Variants in DACH2 observed in about 807,000 individuals in gnomAD.
The protein encoded by DACH2 is dachshund family transcription factor 2.
A neutral mutation model predicts 35.8 loss-of-function variants in DACH2; 17 were observed. The ratio of observed to expected loss-of-function variants is 0.48; its 90% CI spans 0.33 to 0.71. The LOEUF is 0.71. Among genes scored for constraint, DACH2 ranks in the 30% least tolerant of loss-of-function variants. DACH2 has a pLI of 0.02. For missense variants in DACH2, 469 were observed against 472.7 expected (o/e 0.99, Z 0.07); for synonymous variants, 195 against 177.3 (o/e 1.10, Z -0.79).
chrX:86,563,079 G>A (rs2039245694), intron 3 of DACH2, among the ~76,000 whole-genome samples: 1 of 110,270 alleles, frequency 9.1e-6, no homozygotes, highest in African/African-American at 3.3e-5. Flanking sequence ...TAAGAAAGGA[G>A]TGAGGGAAAT....
intron 9 of DACH2, 112 bp downstream of exon 9, chrX:86,813,389 T>C (rs1345307416): frequency 1.3e-5 from 8 of 633,088 alleles, no homozygotes; most frequent in Non-Finnish European, 1.6e-5. Flanking sequence ...GATCACGAGG[T>C]CAGGAGATTG....
chrX:86,674,338 G>A (rs2040803329), intron 4 of DACH2, among the ~76,000 whole-genome samples: 1 of 112,383 alleles, frequency 8.9e-6, no homozygotes, highest in South Asian at 3.6e-4. Context: ...CAATTCATTG[G>A]ACTTTACTAG....
At chrX:86,609,512 C>A (rs1047363818) in intron 3 of DACH2, among the ~76,000 whole-genome samples, 1 of 111,915 alleles carries the variant, frequency 8.9e-6, no homozygotes, top group East Asian at 2.8e-4. Flanking sequence ...CCTGAATTAT[C>A]TTTATACTTG....
intron 7 of DACH2, among the ~76,000 whole-genome samples, chrX:86,778,798 A>G (rs139729417): frequency 0.03 from 3,342 of 110,525 alleles, 125 homozygotes; most frequent in African/African-American, 0.1. Context: ...TTTAGTAGAG[A>G]CGGGGTTTCA....
chrX:86,416,681 G>A (rs938657110), intron 2 of DACH2, among the ~76,000 whole-genome samples: 12 of 111,062 alleles, frequency 1.1e-4, no homozygotes, highest in Admixed American at 1.9e-4. Flanking sequence ...TGCCAGCATC[G>A]GCTTCTGTTG....
chrX:86,748,282 G>A (rs2041734071), intron 7 of DACH2, among the ~76,000 whole-genome samples: 1 of 111,882 alleles, frequency 8.9e-6, no homozygotes, highest in Non-Finnish European at 1.9e-5. Context: ...TTAGTATGGT[G>A]AATTCTTTTC....
At chrX:86,451,645 G>C (rs2037379693) in intron 2 of DACH2, among the ~76,000 whole-genome samples, 1 of 111,301 alleles carries the variant, frequency 9.0e-6, no homozygotes, top group African/African-American at 3.3e-5. Context: ...AGTTACTTTG[G>C]GCAGTTTGGC....
chrX:86,298,532 G>T (rs1431192567), intron 1 of DACH2, among the ~76,000 whole-genome samples: 1 of 111,319 alleles, frequency 9.0e-6, no homozygotes, highest in Non-Finnish European at 1.9e-5. Context: ...GAATAAACTG[G>T]GTAAAGTGCA....
At chrX:86,643,547 C>A (rs2040375509) in intron 3 of DACH2, among the ~76,000 whole-genome samples, 1 of 111,191 alleles carries the variant, frequency 9.0e-6, no homozygotes, top group South Asian at 3.7e-4. Context: ...GAAGAGCTCA[C>A]ACAATTTCTG....
At chrX:86,530,520 C>T (rs930591635) in intron 3 of DACH2, among the ~76,000 whole-genome samples, 3 of 111,254 alleles carry the variant, frequency 2.7e-5, no homozygotes, top group African/African-American at 9.8e-5. Context: ...TCTCTCCTGC[C>T]ATGTAAGATG....
intron 4 of DACH2, among the ~76,000 whole-genome samples, chrX:86,676,663 A>G (rs1234385231): frequency 8.9e-6 from 1 of 112,227 alleles, no homozygotes; most frequent in Non-Finnish European, 1.9e-5. Context: ...CAGATAAAAA[A>G]CAAACAATTT....
intron 3 of DACH2, among the ~76,000 whole-genome samples, chrX:86,546,070 G>T (rs2038951485): frequency 9.0e-6 from 1 of 111,719 alleles, no homozygotes. Context: ...TGAAGTAATG[G>T]CAATTTAGAT....
At chrX:86,266,425 G>A (rs1432550280) in intron 1 of DACH2, among the ~76,000 whole-genome samples, 1 of 111,972 alleles carries the variant, frequency 8.9e-6, no homozygotes, top group Non-Finnish European at 1.9e-5. Flanking sequence ...TCTGTAGAAT[G>A]AAGAAATTAG....
At chrX:86,667,617 G>A (rs973792510) in intron 4 of DACH2, among the ~76,000 whole-genome samples, 19 of 101,104 alleles carry the variant, frequency 1.9e-4, no homozygotes, top group South Asian at 9.0e-4. Flanking sequence ...AGAAAGAAAG[G>A]CAGGCAGGCC....
intron 2 of DACH2, among the ~76,000 whole-genome samples, chrX:86,428,296 A>G (rs1449942105): frequency 1.8e-5 from 2 of 112,119 alleles, no homozygotes; most frequent in Admixed American, 9.5e-5. Flanking sequence ...TATTGTACAT[A>G]TTCATTCAAA....
intron 4 of DACH2, among the ~76,000 whole-genome samples, chrX:86,660,582 G>A (rs1053753698): frequency 1.7e-4 from 19 of 111,407 alleles, no homozygotes; most frequent in African/African-American, 5.5e-4. Context: ...GTTCATAAAC[G>A]GAGTTTACAA....
chrX:86,417,552 T>A (rs1172562823), intron 2 of DACH2, among the ~76,000 whole-genome samples: 3 of 111,068 alleles, frequency 2.7e-5, no homozygotes, highest in African/African-American at 9.8e-5. Flanking sequence ...TTTAAAACCA[T>A]CAGATCTCAT....
In DACH2 at chrX:86,157,680, G is replaced by T. The variant is rs183831653; in HGVS notation, c.488+8572G>T. Among the ~76,000 whole-genome samples, 535 of 111,307 alleles carry T rather than the reference G, an allele frequency of 4.8e-3. 3 individuals are homozygous for T. Among genetic ancestry groups the T allele is most frequent in the African/African-American group, 0.016 (503 of 30,738 alleles). On this transcript the variant is annotated intron_variant, in intron 1 of 11. Coordinates refer to ENST00000373125, the MANE Select transcript of DACH2 (RefSeq NM_053281.3). ...ACAGTTATAACCATTATAGCTTACA[G>T]CAATATGTTAGTTTCTGAGCTTTCA...
chrX:86,161,442 C>T (rs777286754), intron 1 of DACH2: 14 of 485,558 alleles, frequency 2.9e-5, no homozygotes, highest in Non-Finnish European at 4.5e-5. Context: ...ACACACCTTC[C>T]TGTGTTCAGA....
Sources: gnomAD v4.1 joint callset for allele counts (sites outside exome capture counted in the v4.1 genomes callset) on GRCh38, gnomAD v4.1.1 for gene constraint, MANE v1.5 for transcripts, NCBI Gene and HGNC (gene_info 2026-07-23, HGNC 2026-07-21) for gene names.